Variants in SHISA5 observed in about 807,000 individuals in gnomAD.
SHISA5 encodes protein shisa-5.
A neutral mutation model predicts 27.5 loss-of-function variants in SHISA5; 21 were observed. The observed-to-expected ratio is 0.76, with a 90% CI of 0.54 to 1.10. SHISA5 has a LOEUF of 1.10. SHISA5 is among the 50% of genes least tolerant of loss of function. The pLI, the probability that SHISA5 is intolerant of heterozygous loss-of-function variation, is 0.00. For synonymous variants in SHISA5, 137 were observed against 142.2 expected, an observed-to-expected ratio of 0.96 and a Z score of 0.26; for missense variants, 314 against 336.3, an observed-to-expected ratio of 0.93 and a Z score of 0.52.
chr3:48,474,184 C>T (rs1455506533), intron 3 of SHISA5, among the ~76,000 whole-genome samples: 1 of 151,286 alleles, frequency 6.6e-6, no homozygotes, highest in Non-Finnish European at 1.5e-5. Context: ...AACTCCCAGG[C>T]TCAAGTGATC....
chr3:48,493,138 T>A (rs2041477399), intron 2 of SHISA5, among the ~76,000 whole-genome samples: 5 of 146,710 alleles, frequency 3.4e-5, no homozygotes, highest in Non-Finnish European at 7.4e-5. Context: ...TTGCTAAAAT[T>A]AAACTTTCGG....
chr3:48,503,309 CGGATT>C, intron 1 of SHISA5: 2 of 555,736 alleles, frequency 3.6e-6, no homozygotes, highest in Non-Finnish European at 6.2e-6. Flanking sequence ...CAGGAGTGGG[CGGATT>C]CTGGGCACAA....
In SHISA5 at chr3:48,469,280, T is replaced by C; in HGVS notation, c.643+81A>G. On this transcript the variant is annotated intron_variant, in intron 5 of 5. Transcript: ENST00000296444. This position sits in a 1 kb window ranked among gnomAD's most constrained non-coding sequence, Gnocchi z 4.6. ...AAAGGGGCAGAGGCCTGTTGAGTGA[T>C]GTAGTTTGGGATGGGTGCCCGAGGG... 2 of 1,574,142 alleles carry C rather than the reference T, an allele frequency of 1.3e-6. No individual in the cohort carries two copies. The highest frequency in any genetic ancestry group is 1.3e-5 in the African/African-American group (1 of 74,166).
At chr3:48,502,667 C>CTGT in intron 1 of SHISA5, 1 of 323,664 alleles carries the variant, frequency 3.1e-6, no homozygotes, top group South Asian at 2.5e-5. Flanking sequence ...AGACCTGTGC[C>CTGT]CACTAACAGG....
At chr3:48,479,901 CAA>C (rs1225134941) in intron 2 of SHISA5, among the ~76,000 whole-genome samples, 3 of 132,706 alleles carry the variant, frequency 2.3e-5, no homozygotes, top group Non-Finnish European at 4.8e-5. Flanking sequence ...TACATTTCCA[CAA>C]AGTTTTTTTT....
intron 2 of SHISA5, among the ~76,000 whole-genome samples, chr3:48,489,992 A>T (rs995601204): frequency 1.3e-5 from 2 of 152,226 alleles, no homozygotes; most frequent in African/African-American, 2.4e-5. Context: ...CAATTCAATC[A>T]TCAAGGCTGC....
At chr3:48,474,585 C>A (rs1289335418) in intron 3 of SHISA5, among the ~76,000 whole-genome samples, 1 of 152,120 alleles carries the variant, frequency 6.6e-6, no homozygotes, top group East Asian at 1.9e-4. Context: ...GATCTGCCCA[C>A]CTTGGCCTCC....
intron 2 of SHISA5, among the ~76,000 whole-genome samples, chr3:48,486,411 A>G (rs1376881450): frequency 1.1e-5 from 1 of 93,878 alleles, no homozygotes; most frequent in African/African-American, 5.0e-5. Context: ...TATATAATAT[A>G]TATTATATAT....
intron 2 of SHISA5, among the ~76,000 whole-genome samples, chr3:48,498,406 G>A (rs938762913): frequency 2.6e-5 from 4 of 152,196 alleles, no homozygotes; most frequent in Non-Finnish European, 4.4e-5. Context: ...AGGAAAGAAG[G>A]CTGGGGGCAG....
rs1454736612 is a variant in SHISA5, at chr3:48,468,743, C to T, written c.*364G>A. On this transcript the variant is annotated 3_prime_UTR_variant, in exon 6 of 6. Transcript: ENST00000296444. ...GTGTGACAGGCCCTACTTGGTCACC[C>T]TAGGGTAAGCTGGAGAAGAACTCCA... The T allele has an allele frequency of 7.4e-7, 1 of 1,349,836 alleles. No homozygotes were observed. The highest frequency in any genetic ancestry group is 9.7e-7 in the Non-Finnish European group (1 of 1,028,882). 83.6% of individuals were successfully genotyped at this position (1,349,836 alleles called of 1,614,324 possible). A position where few individuals can be genotyped will look rare whatever the true frequency, so the allele number is the denominator to read the frequency against.
At position 48,473,056 on chromosome 3, in the gene SHISA5, G is replaced by A; in HGVS notation, c.315-3213C>T. 8 of 1,526,862 alleles carry A rather than the reference G, an allele frequency of 5.2e-6. No homozygotes were observed. In the South Asian group the frequency reaches 8.4e-5, roughly 16 times the overall value. 94.6% of individuals were successfully genotyped at this position (1,526,862 alleles called of 1,614,324 possible). On this transcript the variant is annotated intron_variant, in intron 3 of 5. Transcript: ENST00000296444. The surrounding 1 kb of genome is among the most constrained non-coding windows in gnomAD (Gnocchi z 4.3). ...ACCCAGAGGCCTCCTGTACCCCTGG[G>A]CTTTCCCCTCTTCCCATCGTGGGCC...
chr3:48,502,483 GT>G (rs1299851714), intron 1 of SHISA5: 2 of 441,180 alleles, frequency 4.5e-6, no homozygotes, highest in Non-Finnish European at 9.2e-6. Flanking sequence ...TCAGCACAGA[GT>G]TGGGATCTAC....
chr3:48,477,705 G>A (rs1264794797), intron 3 of SHISA5, among the ~76,000 whole-genome samples: 1 of 152,186 alleles, frequency 6.6e-6, no homozygotes, highest in Non-Finnish European at 1.5e-5. Flanking sequence ...GGACTCCGTG[G>A]TGTGAAATCT....
chr3:48,468,711 C>T lies in SHISA5; in HGVS notation c.*396G>A, dbSNP rs1182436331. ...ATCTGCATCACACAGAAAGCTGCGC[C>T]ACCCTGGTGTGACAGGCCCTACTTG... is the stretch of plus-strand genomic sequence containing the variant. On this transcript the variant is annotated 3_prime_UTR_variant, in exon 6 of 6. Coordinates refer to ENST00000296444, the MANE Select transcript of SHISA5 (RefSeq NM_016479.6). The T allele has an allele frequency of 1.6e-6, 2 of 1,287,852 alleles. No homozygotes were observed. Among genetic ancestry groups the T allele is most frequent in the South Asian group, 1.3e-5 (1 of 75,938 alleles). 79.8% of individuals were successfully genotyped at this position (1,287,852 alleles called of 1,614,324 possible). A position where few individuals can be genotyped will look rare whatever the true frequency, so the allele number is the denominator to read the frequency against.
intron 3 of SHISA5, chr3:48,477,008 A>G (rs1307852980): frequency 9.2e-6 from 4 of 433,872 alleles, no homozygotes; most frequent in African/African-American, 6.3e-5. Flanking sequence ...CCCTGCTGCC[A>G]CAACCCCAGG....
At chr3:48,495,205 C>T (rs2041510912) in intron 2 of SHISA5, among the ~76,000 whole-genome samples, 1 of 146,846 alleles carries the variant, frequency 6.8e-6, no homozygotes, top group Admixed American at 6.7e-5. Context: ...GTACAAATGG[C>T]ACATTTATAA....
In SHISA5 at chr3:48,486,888, C is replaced by T. The variant is rs187157598; in HGVS notation, c.234-7631G>A. Reference sequence around the variant, plus strand: ...TGAGCCGAGACTGAGCCACTGCACGCCAGCCTGGGTGACAGAGACAAGACT... The same window carrying T: ...TGAGCCGAGACTGAGCCACTGCACGTCAGCCTGGGTGACAGAGACAAGACT... On this transcript the variant is annotated intron_variant, in intron 2 of 5. Coordinates refer to ENST00000296444, the MANE Select transcript of SHISA5 (RefSeq NM_016479.6). Among the ~76,000 whole-genome samples the T allele has an allele frequency of 8.7e-5, 13 of 148,956 alleles. No individual in the cohort carries two copies. In the East Asian group the frequency reaches 2.0e-3, roughly 22 times the overall value.
At position 48,504,062 on chromosome 3, in the gene SHISA5, C is replaced by T. The variant is rs575061268; in HGVS notation, c.33G>A (p.Leu11=). The change falls in exon 1 of 6, where the codon CTG becomes CTA. Residue 11 remains leucine, a synonymous_variant. Transcript: ENST00000296444. The surrounding 1 kb of genome is among the most constrained non-coding windows in gnomAD (Gnocchi z 4.0). ...GCAGCAGCAGCAACAGCAACGGCAA[C>T]AGGATCCGCGGCGCGGGGACCGGCG... MTAPVPAPRI[L]LPLLLLLLLT... is the part of the protein sequence containing the mutation. The T allele has an allele frequency of 1.9e-5, 27 of 1,436,362 alleles. No homozygotes were observed. The highest frequency in any genetic ancestry group is 1.8e-4 in the Middle Eastern group (1 of 5,458). 89.0% of individuals were successfully genotyped at this position (1,436,362 alleles called of 1,614,324 possible). A position where few individuals can be genotyped will look rare whatever the true frequency, so the allele number is the denominator to read the frequency against.
intron 2 of SHISA5, among the ~76,000 whole-genome samples, chr3:48,499,827 G>A (rs967310084): frequency 7.0e-6 from 1 of 142,302 alleles, no homozygotes; most frequent in African/African-American, 2.7e-5. Flanking sequence ...TCACATTATT[G>A]CACTCCAACC....
Sources: allele counts gnomAD v4.1 joint callset (sites outside exome capture counted in the v4.1 genomes callset), GRCh38; gene constraint gnomAD v4.1.1; non-coding constraint Gnocchi (gnomAD v3.1); transcripts MANE v1.5; gene names NCBI Gene and HGNC (gene_info 2026-07-23, HGNC 2026-07-21).